The following ELMOD3 variants were observed in gnomAD, a reference collection of about 807,000 sequenced individuals.
ELMOD3 encodes ELMO domain containing 3.
Under a neutral mutation model 47.4 loss-of-function variants are expected in ELMOD3, and 36 were observed. That is an observed-to-expected ratio of 0.76 (90% CI 0.58 to 1.00). The LOEUF (loss-of-function observed/expected upper bound fraction) is 1.00. Ranked by LOEUF, ELMOD3 falls within the 50% of genes least tolerant of loss-of-function variation. The probability of loss-of-function intolerance (pLI) is 0.00; values close to 1 mark genes in which losing one functional copy is unlikely to be tolerated. For missense variants in ELMOD3, 404 were observed against 463.8 expected (o/e 0.87, Z 1.18); for synonymous variants, 149 against 183.5 (o/e 0.81, Z 1.52).
At chr2:85,386,995 T>G (rs1464728230) in intron 11 of ELMOD3, 1 of 1,222,478 alleles carries the variant, frequency 8.2e-7, no homozygotes, top group Non-Finnish European at 1.1e-6. Context: ...AGAGCGAAAC[T>G]CCGTCTCAAA....
chr2:85,383,874 G>A (rs373398405), intron 11 of ELMOD3, among the ~76,000 whole-genome samples: 36 of 152,284 alleles, frequency 2.4e-4, no homozygotes, highest in Middle Eastern at 3.4e-3. Context: ...TTGGGAATGC[G>A]CACCTGTGAC....
At chr2:85,383,925 C>T (rs917696557) in intron 11 of ELMOD3, among the ~76,000 whole-genome samples, 1 of 152,182 alleles carries the variant, frequency 6.6e-6, no homozygotes, top group Non-Finnish European at 1.5e-5. Context: ...CTAAGTTCAT[C>T]AGAGCACAGC....
At chr2:85,379,167 AAAG>A (rs962685469) in intron 11 of ELMOD3, among the ~76,000 whole-genome samples, 4 of 152,212 alleles carry the variant, frequency 2.6e-5, no homozygotes, top group Non-Finnish European at 4.4e-5. Context: ...ATGGAAAAAA[AAAG>A]GAGGAAAAGA....
At chr2:85,358,698 A>G (rs1265259778) in intron 4 of ELMOD3, among the ~76,000 whole-genome samples, 1 of 152,190 alleles carries the variant, frequency 6.6e-6, no homozygotes, top group East Asian at 1.9e-4. Flanking sequence ...CAAAAAAAAA[A>G]AGCAGAAGGA....
At chr2:85,377,919 C>T (rs1685284581) in intron 11 of ELMOD3, among the ~76,000 whole-genome samples, 1 of 152,160 alleles carries the variant, frequency 6.6e-6, no homozygotes, top group South Asian at 2.1e-4. Flanking sequence ...TGGGACTTCA[C>T]ATTCGTATTT....
chr2:85,387,528 G>A (rs1365017873), intron 11 of ELMOD3, among the ~76,000 whole-genome samples: 1 of 151,982 alleles, frequency 6.6e-6, no homozygotes, highest in Admixed American at 6.6e-5. Flanking sequence ...TGGGCGTGGT[G>A]GCACGTGCCT....
At chr2:85,368,599 C>G in intron 6 of ELMOD3, 87 bp from the exon 7 acceptor site, 1 of 1,398,352 alleles carries the variant, frequency 7.2e-7, no homozygotes, top group Non-Finnish European at 1.0e-6. Flanking sequence ...AAAATAGGCC[C>G]AAGGCAGGCA....
intron 10 of ELMOD3, among the ~76,000 whole-genome samples, chr2:85,373,833 C>T (rs1445460222): frequency 1.5e-5 from 2 of 133,868 alleles, no homozygotes; most frequent in East Asian, 2.2e-4. Flanking sequence ...AGTAAGACTT[C>T]GTCTCAGAAA....
In ELMOD3 at chr2:85,390,377, T is replaced by G. The variant is rs1308938178; in HGVS notation, c.943+112T>G. On this transcript the variant is annotated intron_variant, in intron 13 of 13. Coordinates refer to ENST00000409013, the MANE Select transcript of ELMOD3 (RefSeq NM_001135022.2). ...GCTGCAGTTCTTCCCCATCCACACT[T>G]TCTCAAATTCCAGCTTACCAAAATC... 20 of 1,613,976 alleles carry G rather than the reference T, an allele frequency of 1.2e-5. No individual in the cohort carries two copies. Among genetic ancestry groups the G allele is most frequent in the Non-Finnish European group, 1.5e-5 (18 of 1,180,016 alleles).
chr2:85,387,169 G>A, intron 11 of ELMOD3: 2 of 1,280,608 alleles, frequency 1.6e-6, no homozygotes, highest in Non-Finnish European at 2.0e-6. Context: ...ATACCTGAAG[G>A]TACAGAGGTA....
intron 10 of ELMOD3, among the ~76,000 whole-genome samples, chr2:85,375,510 A>G (rs1347473595): frequency 2.0e-5 from 3 of 151,802 alleles, no homozygotes; most frequent in African/African-American, 4.8e-5. Context: ...TAGTTCTTCT[A>G]TTTTTCAGTT....
At chr2:85,372,280 C>G (rs186658945) in intron 10 of ELMOD3, 1 of 152,030 alleles carries the variant, frequency 6.6e-6, no homozygotes, top group African/African-American at 2.4e-5. Flanking sequence ...GCAGAGGTTG[C>G]GGTGAACAGA....
intron 12 of ELMOD3, 95 bp downstream of exon 12, chr2:85,389,922 G>A (rs907975462): frequency 2.4e-6 from 3 of 1,237,868 alleles, no homozygotes; most frequent in Non-Finnish European, 2.4e-6. Context: ...TCCACCTGCT[G>A]GCTCCTGGAG....
chr2:85,375,642 C>T (rs1685122832), intron 10 of ELMOD3, among the ~76,000 whole-genome samples: 2 of 152,108 alleles, frequency 1.3e-5, no homozygotes, highest in South Asian at 4.1e-4. Context: ...ATGGTAGATC[C>T]TATAGTCACT....
rs1285034885 is a variant in ELMOD3 at position 85,391,569 on chromosome 2, T to C, written c.*607T>C. 6.5e-6 allele frequency: 1 copy of C among 153,168 alleles called. No individual in the cohort carries two copies. Among genetic ancestry groups the C allele is most frequent in the Non-Finnish European group, 1.5e-5 (1 of 68,542 alleles). The allele number at this position is 153,168 out of a possible 1,614,324, so 9.5% of individuals were successfully genotyped here. A position where few individuals can be genotyped will look rare whatever the true frequency, so the allele number is the denominator to read the frequency against. The stretch of plus-strand genomic sequence containing the variant: ...TCTTCTCCCCCTGACCCCCGCTCCA[T>C]TGTTTATGATGGAAAAACGGACATT... On this transcript the variant is annotated 3_prime_UTR_variant, in exon 14 of 14. Transcript: ENST00000409013.
chr2:85,390,775 C>CCAAGAAGAGCCCACGGCGGCTGCT lies in ELMOD3; in HGVS notation c.965_988dup (p.Lys322_Lys329dup). On this transcript the variant is annotated inframe_insertion, in exon 14 of 14. Coordinates refer to ENST00000409013, the MANE Select transcript of ELMOD3 (RefSeq NM_001135022.2). Reference sequence around the variant, plus strand: ...TCTGTTGCAGAGTTGGAAGTATTGGCCAAGAAGAGCCCACGGCGGCTGCTC... The same window carrying CCAAGAAGAGCCCACGGCGGCTGCT: ...TCTGTTGCAGAGTTGGAAGTATTGGCCAAGAAGAGCCCACGGCGGCTGCTCAAGAAGAGCCCACGGCGGCTGCTC... 6.4e-7 allele frequency: 1 copy of CCAAGAAGAGCCCACGGCGGCTGCT among 1,551,134 alleles called. No individual in the cohort carries two copies. The highest frequency in any genetic ancestry group is 8.7e-7 in the Non-Finnish European group (1 of 1,146,972).
chr2:85,367,225 C>G (rs757209163), intron 6 of ELMOD3, among the ~76,000 whole-genome samples: 3 of 152,172 alleles, frequency 2.0e-5, no homozygotes, highest in Non-Finnish European at 2.9e-5. Flanking sequence ...ATGATAAGCA[C>G]GGGTTGTCAG....
intron 7 of ELMOD3, 33 bp from the exon 8 acceptor site, chr2:85,369,706 A>C: frequency 1.2e-6 from 2 of 1,609,646 alleles, no homozygotes; most frequent in Non-Finnish European, 8.5e-7. Context: ...AATGACTCCT[A>C]TAAATCCTGG....
chr2:85,386,672 A>AT (rs1685952575), intron 11 of ELMOD3, among the ~76,000 whole-genome samples: 1 of 152,032 alleles, frequency 6.6e-6, no homozygotes, highest in Non-Finnish European at 1.5e-5. Context: ...GGAGTGAGCC[A>AT]CCATGCCTGG....
Sources: gnomAD v4.1 joint callset for allele counts (sites outside exome capture counted in the v4.1 genomes callset) on GRCh38, gnomAD v4.1.1 for gene constraint, MANE v1.5 for transcripts, NCBI Gene and HGNC (gene_info 2026-07-23, HGNC 2026-07-21) for gene names.